Variants in HYDIN observed in about 807,000 individuals in gnomAD.
HYDIN encodes axonemal central pair apparatus protein HYDIN.
A neutral mutation model predicts 403.9 loss-of-function variants in HYDIN; 132 were observed. The ratio of observed to expected loss-of-function variants is 0.33; its 90% CI spans 0.28 to 0.38. The LOEUF (loss-of-function observed/expected upper bound fraction) is 0.38, where lower values mean the gene tolerates loss of function less well. HYDIN is among the 10% of genes least tolerant of loss of function. HYDIN has a pLI of 1.00. For missense variants in HYDIN, 2,827 were observed against 5,009.5 expected, an observed-to-expected ratio of 0.56 and a Z score of 13.15; for synonymous variants, 1,202 against 1,891.7, an observed-to-expected ratio of 0.64 and a Z score of 9.46.
chr16:70,900,950 G>A (rs1028761701), intron 53 of HYDIN, 54 bp downstream of exon 53: 3 of 581,094 alleles, frequency 5.2e-6, no homozygotes, highest in Non-Finnish European at 9.1e-6. Context: ...GTGTGTGTGT[G>A]TGTGTGTGTG....
intron 37 of HYDIN, among the ~76,000 whole-genome samples, chr16:70,963,893 G>C (rs2078491957): frequency 6.7e-6 from 1 of 149,526 alleles, no homozygotes; most frequent in Non-Finnish European, 1.5e-5. Context: ...GGGAATATTT[G>C]ATCAATGCCT....
intron 47 of HYDIN, among the ~76,000 whole-genome samples, chr16:70,913,283 T>G (rs987254998): frequency 6.6e-6 from 1 of 152,196 alleles, no homozygotes; most frequent in Non-Finnish European, 1.5e-5. Context: ...GGCTGTGAAC[T>G]TTCTGCTTGG....
chr16:70,994,356 G>A (rs2079460755), intron 23 of HYDIN, among the ~76,000 whole-genome samples: 1 of 151,570 alleles, frequency 6.6e-6, no homozygotes, highest in Non-Finnish European at 1.5e-5. Context: ...TAGCATAGAG[G>A]GTAATCTGAC....
chr16:70,843,022 A>C (rs1010836391), intron 75 of HYDIN, among the ~76,000 whole-genome samples: 1 of 151,400 alleles, frequency 6.6e-6, no homozygotes. Flanking sequence ...TTTTTACATA[A>C]ATTTATTTAT....
chr16:70,985,116 G>C, intron 28 of HYDIN, 69 bp downstream of exon 28: 1 of 1,340,506 alleles, frequency 7.5e-7, no homozygotes, highest in East Asian at 2.3e-5. Flanking sequence ...AATCCTGGTC[G>C]TGAATACTCA....
intron 23 of HYDIN, among the ~76,000 whole-genome samples, chr16:71,017,777 A>G (rs1189129393): frequency 2.6e-5 from 4 of 151,692 alleles, no homozygotes; most frequent in East Asian, 1.9e-4. Flanking sequence ...AGTTGTATAT[A>G]TATTACCACA....
In HYDIN at chr16:71,205,547, C is replaced by T. The variant is rs145425249; in HGVS notation, c.-23-18629G>A. Among the ~76,000 whole-genome samples the T allele has an allele frequency of 4.5e-3, 689 of 152,356 alleles. 4 individuals carry two copies. The highest frequency in any genetic ancestry group is 7.0e-3 in the Non-Finnish European group (473 of 68,032). Reference sequence around the variant, plus strand: ...CACAAGCCTTGGGCCCCAGAGCAGACCAGCACCAGTGCCACAGCTCCAACA... The same window carrying T: ...CACAAGCCTTGGGCCCCAGAGCAGATCAGCACCAGTGCCACAGCTCCAACA... On this transcript the variant is annotated intron_variant, in intron 1 of 85. Coordinates refer to ENST00000393567, the MANE Select transcript of HYDIN (RefSeq NM_001270974.2).
chr16:71,158,147 A>G (rs929674521), intron 6 of HYDIN, among the ~76,000 whole-genome samples: 2 of 152,244 alleles, frequency 1.3e-5, no homozygotes, highest in African/African-American at 4.8e-5. Flanking sequence ...ATGGTGAGAC[A>G]TGTACCTGAG....
At chr16:70,967,660 T>C (rs1386218970) in intron 36 of HYDIN, among the ~76,000 whole-genome samples, 1 of 152,162 alleles carries the variant, frequency 6.6e-6, no homozygotes, top group Non-Finnish European at 1.5e-5. Flanking sequence ...TTTTTTTTTG[T>C]ATTTTTTAGT....
At chr16:70,955,195 G>T (rs1207107824) in intron 40 of HYDIN, among the ~76,000 whole-genome samples, 180 bp downstream of exon 40, 11 of 152,002 alleles carry the variant, frequency 7.2e-5, no homozygotes, top group Admixed American at 7.2e-4. Flanking sequence ...GGCAGGGCAG[G>T]AGACCCAGGA....
chr16:70,892,740 C>T (rs2041548288), intron 55 of HYDIN, among the ~76,000 whole-genome samples: 1 of 152,118 alleles, frequency 6.6e-6, no homozygotes. Context: ...GCAAAGACAG[C>T]CATACTCTAT....
chr16:70,881,482 C>T (rs2040801821), intron 60 of HYDIN, among the ~76,000 whole-genome samples: 1 of 144,934 alleles, frequency 6.9e-6, no homozygotes, highest in South Asian at 2.1e-4. Flanking sequence ...GTGGTGGGTG[C>T]CTGTAGTCCC....
At chr16:70,988,901 A>G (rs2079257720) in intron 25 of HYDIN, among the ~76,000 whole-genome samples, 1 of 150,802 alleles carries the variant, frequency 6.6e-6, no homozygotes, top group Non-Finnish European at 1.5e-5. Context: ...ATTCCTTCAG[A>G]GATTTGCATT....
chr16:71,112,826 C>G (rs1421993635), intron 10 of HYDIN, among the ~76,000 whole-genome samples: 1 of 151,950 alleles, frequency 6.6e-6, no homozygotes, highest in African/African-American at 2.4e-5. Flanking sequence ...GTTATAGGCA[C>G]CAAAATCCTT....
intron 10 of HYDIN, among the ~76,000 whole-genome samples, chr16:71,112,959 G>T (rs2083888543): frequency 6.6e-6 from 1 of 152,128 alleles, no homozygotes; most frequent in Admixed American, 6.6e-5. Context: ...GGCTGAGGCT[G>T]GGGGACAGGA....
chr16:70,853,892 C>CTT (rs140632293), intron 73 of HYDIN, among the ~76,000 whole-genome samples: 2 of 120,946 alleles, frequency 1.7e-5, no homozygotes, highest in African/African-American at 3.9e-5. Context: ...TTCTTTCTTT[C>CTT]TTTTTTTTTT....
chr16:70,897,361 G>A (rs1420220477), intron 53 of HYDIN, among the ~76,000 whole-genome samples: 1 of 152,184 alleles, frequency 6.6e-6, no homozygotes. Context: ...CCTATTGCAT[G>A]TGCTTTGGGT....
rs918591308 is a variant in HYDIN at position 70,802,939 on chromosome 16, G to A, written c.*4641C>T. On this transcript the variant is annotated 3_prime_UTR_variant, in exon 86 of 86. Coordinates refer to ENST00000393567, the MANE Select transcript of HYDIN (RefSeq NM_001270974.2). The stretch of plus-strand genomic sequence containing the variant: ...AGGACATCTCCAAATGTCTTGCAAA[G>A]TTTGGTTTTAGGATTTTGATGATGG... The A allele has an allele frequency of 2.0e-5, 3 of 152,326 alleles. No individual in the cohort carries two copies. In the South Asian group the frequency reaches 6.2e-4, roughly 32 times the overall value. 9.4% of individuals were successfully genotyped at this position (152,326 alleles called of 1,614,324 possible). A position where few individuals can be genotyped will look rare whatever the true frequency, so the allele number is the denominator to read the frequency against.
rs1411750628 is a variant in HYDIN, at chr16:70,892,509, C to A, written c.9269G>T (p.Gly3090Val). ...GGAATTTATATTAGGTGTTGAAATC[C>A]CTACAGAGTCCACGGAAAAGCTGAA... ...IAFSFSVDSV[G>V]ISTPNINSMI... is the part of the protein sequence containing the mutation. The change falls in exon 56 of 86, where the codon GGG (glycine) becomes GTG (valine). Residue 3090 changes from glycine to valine, a missense_variant. Coordinates refer to ENST00000393567, the MANE Select transcript of HYDIN (RefSeq NM_001270974.2). The A allele has an allele frequency of 6.2e-7, 1 of 1,602,426 alleles. No individual in the cohort carries two copies. Among genetic ancestry groups the A allele is most frequent in the South Asian group, 1.1e-5 (1 of 88,972 alleles).
Sources: allele counts gnomAD v4.1 joint callset (sites outside exome capture counted in the v4.1 genomes callset), GRCh38; gene constraint gnomAD v4.1.1; transcripts MANE v1.5; gene names NCBI Gene and HGNC (gene_info 2026-07-23, HGNC 2026-07-21).